HMGB2: variants seen among roughly 807,000 people sequenced by gnomAD.
HMGB2 encodes high mobility group box 2, also known as high mobility group protein B2.
HMGB2 carries 2 observed loss-of-function variants against 23.0 expected under a neutral mutation model. That is an observed-to-expected ratio of 0.09 (90% CI 0.04 to 0.27). The LOEUF (loss-of-function observed/expected upper bound fraction) is 0.27. HMGB2 is among the 10% of genes least tolerant of loss of function. HMGB2 has a pLI of 1.00. For missense variants in HMGB2, 178 were observed against 256.5 expected, an observed-to-expected ratio of 0.69 and a Z score of 2.09; for synonymous variants, 99 against 87.5, an observed-to-expected ratio of 1.13 and a Z score of -0.73.
At position 173,333,393 on chromosome 4, in the gene HMGB2, C is replaced by T. The variant is rs748073740; in HGVS notation, c.150+107G>A. 2.1e-5 allele frequency: 30 copies of T among 1,441,680 alleles called. 1 individual carries two copies. Among genetic ancestry groups the T allele is most frequent in the Non-Finnish European group, 2.8e-5 (30 of 1,062,084 alleles). The allele number at this position is 1,441,680 out of a possible 1,614,324, so 89.3% of individuals were successfully genotyped here. A position where few individuals can be genotyped will look rare whatever the true frequency, so the allele number is the denominator to read the frequency against. ...ACTCTTAAGATATTCAGGTGAGTCA[C>T]TGGGGTGGCAAAGTTGAAGCTCATG... On this transcript the variant is annotated intron_variant, in intron 2 of 4. Transcript: ENST00000296503. The surrounding 1 kb of genome is among the most constrained non-coding windows in gnomAD (Gnocchi z 4.6).
In HMGB2 at chr4:173,331,452, G is replaced by A. The variant is rs1318402248; in HGVS notation, c.*628C>T. On this transcript the variant is annotated 3_prime_UTR_variant, in exon 5 of 5. Coordinates refer to ENST00000296503, the MANE Select transcript of HMGB2 (RefSeq NM_002129.4). ...TTTAGCTAATAAACAGAAACGTCAA[G>A]TACAAAACTTAACGTTCTGTAAAAC... 6.8e-6 allele frequency among the ~76,000 whole-genome samples: 1 copy of A among 147,020 alleles called. No individual in the cohort carries two copies. Among genetic ancestry groups the A allele is most frequent in the East Asian group, 2.0e-4 (1 of 5,082 alleles).
intron 4 of HMGB2, chr4:173,332,553 T>TA (rs199668972): frequency 0.023 from 9,160 of 397,298 alleles, no homozygotes; most frequent in Middle Eastern, 0.028. Flanking sequence ...ACTCTCTGCT[T>TA]AAAAAAAAAA....
At position 173,333,660 on chromosome 4, in the gene HMGB2, C is replaced by A. The variant is rs985381515; in HGVS notation, c.-11G>T. 6.3e-7 allele frequency: 1 copy of A among 1,596,980 alleles called. No individual in the cohort carries two copies. Among genetic ancestry groups the A allele is most frequent in the Non-Finnish European group, 8.5e-7 (1 of 1,170,418 alleles). On this transcript the variant is annotated 5_prime_UTR_variant, in exon 2 of 5. Coordinates refer to ENST00000296503, the MANE Select transcript of HMGB2 (RefSeq NM_002129.4). This position sits in a 1 kb window ranked among gnomAD's most constrained non-coding sequence, Gnocchi z 4.6. ...GTCTCCTTTACCCATGTTGACAGAT[C>A]CGCGTCCACCTGACGGGGCCGAGGG...
chr4:173,332,740 A>G, intron 4 of HMGB2, 81 bp downstream of exon 4: 1 of 1,243,736 alleles, frequency 8.0e-7, no homozygotes, highest in Non-Finnish European at 1.1e-6. Context: ...TTAATACAAG[A>G]TTAACTAAAT....
Position 173,331,933 on chromosome 4 carries a change from T to C in HMGB2, c.*147A>G. The C allele has an allele frequency of 8.5e-7, 1 of 1,179,408 alleles. No individual in the cohort carries two copies. Among genetic ancestry groups the C allele is most frequent in the Non-Finnish European group, 1.2e-6 (1 of 851,838 alleles). 73.1% of individuals were successfully genotyped at this position (1,179,408 alleles called of 1,614,324 possible). On this transcript the variant is annotated 3_prime_UTR_variant, in exon 5 of 5. Transcript: ENST00000296503. ...ACCTGCATTTTTTAAAAGTATTTTCTCTACAGAGAATCTTATCAGCTATAC... is the reference window on the plus strand; with the variant it reads ...ACCTGCATTTTTTAAAAGTATTTTCCCTACAGAGAATCTTATCAGCTATAC...
Position 173,333,067 on chromosome 4 carries a change from AC to A in HMGB2, c.296+1del. The A allele has an allele frequency of 6.2e-7, 1 of 1,613,066 alleles. No individual in the cohort carries two copies. Among genetic ancestry groups the A allele is most frequent in the Non-Finnish European group, 8.5e-7 (1 of 1,179,552 alleles). ...GAGCAATTTGGGTTATTTTAAACTT[AC>A]GGTGGCCTTTTAGGAGCATTGGGGT... On this transcript the variant is annotated splice_donor_variant, in intron 3 of 4. Coordinates refer to ENST00000296503, the MANE Select transcript of HMGB2 (RefSeq NM_002129.4). LOFTEE classifies it high-confidence loss of function. The surrounding 1 kb of genome is among the most constrained non-coding windows in gnomAD (Gnocchi z 4.6).
rs1738097557 is a variant in HMGB2 at position 173,331,563 on chromosome 4, C to A, written c.*517G>T. 6.6e-6 allele frequency: 1 copy of A among 151,434 alleles called. No individual in the cohort carries two copies. Among genetic ancestry groups the A allele is most frequent in the South Asian group, 2.1e-4 (1 of 4,818 alleles). The allele number at this position is 151,434 out of a possible 1,614,324, so 9.4% of individuals were successfully genotyped here. A position where few individuals can be genotyped will look rare whatever the true frequency, so the allele number is the denominator to read the frequency against. The stretch of plus-strand genomic sequence containing the variant: ...AATATGAGCATGTTTGGTTTTAATT[C>A]TCAAACATTTTACTAGGTCAACTGT... On this transcript the variant is annotated 3_prime_UTR_variant, in exon 5 of 5. Transcript: ENST00000296503.
In HMGB2 at chr4:173,332,003, C is replaced by T; in HGVS notation, c.*77G>A. On this transcript the variant is annotated 3_prime_UTR_variant, in exon 5 of 5. Coordinates refer to ENST00000296503, the MANE Select transcript of HMGB2 (RefSeq NM_002129.4). ...ATACTGAAGCTAGTATTGAGCTGCA[C>T]TTGAATTCACATTCTTAGCAAAATA... The T allele has an allele frequency of 6.3e-7, 1 of 1,596,488 alleles. No homozygotes were observed. Among genetic ancestry groups the T allele is most frequent in the African/African-American group, 1.3e-5 (1 of 74,580 alleles).
At position 173,333,203 on chromosome 4, in the gene HMGB2, T is replaced by A. The variant is rs1461933660; in HGVS notation, c.162A>T (p.Ala54=). The change falls in exon 3 of 5, where the codon GCA becomes GCT. Residue 54 remains alanine (A), a synonymous_variant. Transcript: ENST00000296503. This position sits in a 1 kb window ranked among gnomAD's most constrained non-coding sequence, Gnocchi z 4.6. ...KCSERWKTMS[A]KEKSKFEDMA... Reference sequence around the variant, plus strand: ...TATCTTCAAACTTCGACTTCTCCTTTGCAGACATGGTCTGTGGACATAAAA... The same window carrying A: ...TATCTTCAAACTTCGACTTCTCCTTAGCAGACATGGTCTGTGGACATAAAA... The A allele has an allele frequency of 3.7e-6, 6 of 1,613,866 alleles. No homozygotes were observed. Among genetic ancestry groups the A allele is most frequent in the Non-Finnish European group, 8.5e-7 (1 of 1,179,968 alleles).
Position 173,333,720 on chromosome 4 carries a change from C to T in HMGB2, c.-20-51G>A. 1.4e-6 allele frequency: 2 copies of T among 1,430,444 alleles called. No homozygotes were observed. Among genetic ancestry groups the T allele is most frequent in the Non-Finnish European group, 1.9e-6 (2 of 1,063,842 alleles). 88.6% of individuals were successfully genotyped at this position (1,430,444 alleles called of 1,614,324 possible). On this transcript the variant is annotated intron_variant, in intron 1 of 4. Transcript: ENST00000296503. This position sits in a 1 kb window ranked among gnomAD's most constrained non-coding sequence, Gnocchi z 4.6. ...GAAGCCGGAGGGTCGGCGCGGAGCC[C>T]GCAGCTGCCAGGGCGGGCGCTGGCG...
rs746458012 is a variant in HMGB2, at chr4:173,332,111, T to G, written c.599A>C (p.Asp200Ala). The change falls in exon 5 of 5, where the codon GAT (aspartate) becomes GCT (alanine). Residue 200 changes from aspartate to alanine, a missense_variant. Physicochemically the swap from Asp to Ala is moderately radical, Grantham distance 126. Transcript: ENST00000296503. Reference protein sequence around the residue: ...EEEEEEEEDEDEEEEDEDEE With the variant: ...EEEEEEEEDEAEEEEDEDEE ...TTCATCTTCATCCTCTTCCTCCTCA[T>G]CTTCATCTTCTTCTTCCTCCTCCTC... is the stretch of plus-strand genomic sequence containing the variant. The G allele has an allele frequency of 1.2e-6, 2 of 1,610,080 alleles. No individual in the cohort carries two copies. Among genetic ancestry groups the G allele is most frequent in the African/African-American group, 2.7e-5 (2 of 73,954 alleles).
chr4:173,331,945 C>T lies in HMGB2; in HGVS notation c.*135G>A, dbSNP rs1738107873. On this transcript the variant is annotated 3_prime_UTR_variant, in exon 5 of 5. Transcript: ENST00000296503. The stretch of plus-strand genomic sequence containing the variant: ...TAAAAGTATTTTCTCTACAGAGAAT[C>T]TTATCAGCTATACAAAAATCTGTAC... 1 of 1,271,262 alleles carries T rather than the reference C, an allele frequency of 7.9e-7. No individual in the cohort carries two copies. Among genetic ancestry groups the T allele is most frequent in the Non-Finnish European group, 1.1e-6 (1 of 927,810 alleles). 78.7% of individuals were successfully genotyped at this position (1,271,262 alleles called of 1,614,324 possible). A position where few individuals can be genotyped will look rare whatever the true frequency, so the allele number is the denominator to read the frequency against.
intron 4 of HMGB2, 56 bp from the exon 5 acceptor site, chr4:173,332,294 C>G: frequency 7.6e-7 from 1 of 1,316,592 alleles, no homozygotes; most frequent in South Asian, 1.4e-5. Flanking sequence ...CTGTGAAAAA[C>G]CACTTAGTTG....
Position 173,333,417 on chromosome 4 carries a change from T to A in HMGB2, c.150+83A>T. 6.6e-7 allele frequency: 1 copy of A among 1,508,522 alleles called. No homozygotes were observed. Among genetic ancestry groups the A allele is most frequent in the Non-Finnish European group, 9.0e-7 (1 of 1,115,396 alleles). The allele number at this position is 1,508,522 out of a possible 1,614,324, so 93.4% of individuals were successfully genotyped here. On this transcript the variant is annotated intron_variant, in intron 2 of 4. Transcript: ENST00000296503. The surrounding 1 kb of genome is among the most constrained non-coding windows in gnomAD (Gnocchi z 4.6). ...ACTGGGGTGGCAAAGTTGAAGCTCA[T>A]GAGTTGCCTACTACCTGCCTAAGGC...
Position 173,331,618 on chromosome 4 carries a change from A to C in HMGB2, c.*462T>G, listed in dbSNP as rs1738099090. 1.3e-5 allele frequency: 2 copies of C among 152,358 alleles called. 1 individual carries two copies. The highest frequency in any genetic ancestry group is 4.8e-5 in the African/African-American group (2 of 41,380). 9.4% of individuals were successfully genotyped at this position (152,358 alleles called of 1,614,324 possible). ...AAGAACTACTAGGCAGAAATACCGA[A>C]AAAAATCAACATAGCTCTGGTCTTC... On this transcript the variant is annotated 3_prime_UTR_variant, in exon 5 of 5. Coordinates refer to ENST00000296503, the MANE Select transcript of HMGB2 (RefSeq NM_002129.4).
Position 173,333,335 on chromosome 4 carries a change from A to G in HMGB2, c.151-121T>C. 5 of 1,369,804 alleles carry G rather than the reference A, an allele frequency of 3.7e-6. No homozygotes were observed. In the East Asian group the frequency reaches 9.3e-5, roughly 25 times the overall value. The allele number at this position is 1,369,804 out of a possible 1,614,324, so 84.9% of individuals were successfully genotyped here. A position where few individuals can be genotyped will look rare whatever the true frequency, so the allele number is the denominator to read the frequency against. On this transcript the variant is annotated intron_variant, in intron 2 of 4. Transcript: ENST00000296503. The surrounding 1 kb of genome is among the most constrained non-coding windows in gnomAD (Gnocchi z 4.6). ...AACAGCATTTTGCTTTCGAAGTCTT[A>G]TATAAGTAAAAACCTAAAATCGTCT...
rs780610687 is a variant in HMGB2 at position 173,332,233 on chromosome 4, A to G, written c.477T>C (p.Ile159=). ...TTTTGCCCTTGGCACGATATGCAGC[A>G]ATATCCTGAAATATTGTCAAAAAAA... ...AKLKEKYEKD[I]AAYRAKGKSE... Residue 159 remains isoleucine (I), a synonymous_variant, in exon 5 of 5, where the codon ATT becomes ATC. Coordinates refer to ENST00000296503, the MANE Select transcript of HMGB2 (RefSeq NM_002129.4). The G allele has an allele frequency of 1.3e-6, 2 of 1,562,556 alleles. No individual in the cohort carries two copies. Among genetic ancestry groups the G allele is most frequent in the Admixed American group, 2.0e-5 (1 of 49,394 alleles).
rs1262646054 is a variant in HMGB2 at position 173,333,566 on chromosome 4, C to T, written c.84G>A (p.Lys28=). The change falls in exon 2 of 5, where the codon AAG becomes AAA. Residue 28 remains lysine, a synonymous_variant. Coordinates refer to ENST00000296503, the MANE Select transcript of HMGB2 (RefSeq NM_002129.4). The surrounding 1 kb of genome is among the most constrained non-coding windows in gnomAD (Gnocchi z 4.6). ...TGACGGAAGAGTCCGGGTGTTTCTT[C>T]TTGTGCTCTTCCCGGCAGGTCTGCA... ...FFVQTCREEH[K]KKHPDSSVNF... 4 of 1,614,204 alleles carry T rather than the reference C, an allele frequency of 2.5e-6. No individual in the cohort carries two copies. Among genetic ancestry groups the T allele is most frequent in the Non-Finnish European group, 3.4e-6 (4 of 1,180,018 alleles).
chr4:173,333,727 GC>G lies in HMGB2; in HGVS notation c.-20-59del. 2 of 1,359,052 alleles carry G rather than the reference GC, an allele frequency of 1.5e-6. No homozygotes were observed. Among genetic ancestry groups the G allele is most frequent in the South Asian group, 1.4e-5 (1 of 69,896 alleles). 84.2% of individuals were successfully genotyped at this position (1,359,052 alleles called of 1,614,324 possible). On this transcript the variant is annotated intron_variant, in intron 1 of 4. Transcript: ENST00000296503. The surrounding 1 kb of genome is among the most constrained non-coding windows in gnomAD (Gnocchi z 4.6). ...GAGGGTCGGCGCGGAGCCCGCAGCT[GC>G]CAGGGCGGGCGCTGGCGGGGCTCCG...
Sources: allele counts gnomAD v4.1 joint callset (sites outside exome capture counted in the v4.1 genomes callset), GRCh38; gene constraint gnomAD v4.1.1; non-coding constraint Gnocchi (gnomAD v3.1); transcripts MANE v1.5; gene names NCBI Gene and HGNC (gene_info 2026-07-23, HGNC 2026-07-21).